CHRNB1: variants seen among roughly 807,000 people sequenced by gnomAD.
CHRNB1 encodes the protein acetylcholine receptor subunit beta.
CHRNB1 carries 47 observed loss-of-function variants against 53.8 expected under a neutral mutation model. That is an observed-to-expected ratio of 0.87 (90% CI 0.69 to 1.11). The LOEUF (loss-of-function observed/expected upper bound fraction) is 1.11, where lower values mean the gene tolerates loss of function less well. Among genes scored for constraint, CHRNB1 ranks in the 50% most tolerant of loss-of-function variants. The pLI is 0.00. For synonymous variants in CHRNB1, 259 were observed against 263.5 expected (o/e 0.98, Z 0.16); for missense variants, 605 against 654.9 (o/e 0.92, Z 0.83).
At chr17:7,448,827 C>T in intron 7 of CHRNB1, 39 bp downstream of exon 7, 1 of 1,592,424 alleles carries the variant, frequency 6.3e-7, no homozygotes, top group Non-Finnish European at 8.6e-7. Flanking sequence ...TTGTCATTGG[C>T]TCAGCTTCTT....
Position 7,445,437 on chromosome 17 carries a change from GGCCAGCC to G in CHRNB1, c.198+30_198+36del. On this transcript the variant is annotated intron_variant, in intron 2 of 10. Coordinates refer to ENST00000306071, the MANE Select transcript of CHRNB1 (RefSeq NM_000747.3). This position sits in a 1 kb window ranked among gnomAD's most constrained non-coding sequence, Gnocchi z 5.7. ...GAGGGCGCGCGGGGGGTGGAGGTCA[GGCCAGCC>G]GACCGGCCGGGGGCGTGGCTTTAGG... The G allele has an allele frequency of 6.2e-7, 1 of 1,608,286 alleles. No homozygotes were observed. The highest frequency in any genetic ancestry group is 8.5e-7 in the Non-Finnish European group (1 of 1,178,912).
intron 5 of CHRNB1, 156 bp downstream of exon 5, chr17:7,447,307 T>G: frequency 1.1e-6 from 1 of 903,368 alleles, no homozygotes. Context: ...TTCCATTGAG[T>G]GTTCTGTACA....
chr17:7,446,440 G>T, intron 3 of CHRNB1: 1 of 525,078 alleles, frequency 1.9e-6, no homozygotes, highest in Non-Finnish European at 3.4e-6. Context: ...ACCAGCCTCG[G>T]GGGGAACCTC....
chr17:7,453,754 AT>A (rs535191959), intron 7 of CHRNB1, among the ~76,000 whole-genome samples: 3,619 of 144,966 alleles, frequency 0.025, 110 homozygotes, highest in African/African-American at 0.081. Context: ...TGCCTGGCTA[AT>A]TTTTTTTTTT....
chr17:7,454,489 A>C lies in CHRNB1; in HGVS notation c.1013A>C (p.His338Pro), dbSNP rs1909001557. 1 of 1,613,884 alleles carries C rather than the reference A, an allele frequency of 6.2e-7. No homozygotes were observed. The highest frequency in any genetic ancestry group is 8.5e-7 in the Non-Finnish European group (1 of 1,180,010). ...VVLNLHHRSPHTHQMPLWVRQ... is the reference protein window; with the variant it reads ...VVLNLHHRSPPTHQMPLWVRQ... Reference sequence around the variant, plus strand: ...CTCAACCTGCACCACCGCTCACCCCACACCCACCAAATGCCCCTTTGGGTC... The same window carrying C: ...CTCAACCTGCACCACCGCTCACCCCCCACCCACCAAATGCCCCTTTGGGTC... Residue 338 changes from histidine to proline, a missense_variant, in exon 8 of 11, where the codon CAC becomes CCC. His to Pro is a moderately conservative substitution (Grantham distance 77). Transcript: ENST00000306071.
chr17:7,451,274 CT>C (rs34769424), intron 7 of CHRNB1, among the ~76,000 whole-genome samples: 5,124 of 91,980 alleles, frequency 0.056, 56 homozygotes, highest in South Asian at 0.13. Flanking sequence ...CTTTTCTTTT[CT>C]TTTTTTTTTT....
At chr17:7,448,212 C>T (rs1457288100) in intron 6 of CHRNB1, among the ~76,000 whole-genome samples, 2 of 151,312 alleles carry the variant, frequency 1.3e-5, no homozygotes, top group Non-Finnish European at 2.9e-5. Flanking sequence ...TGGTGAAACC[C>T]CGTCTCTACT....
At chr17:7,450,080 T>TAAATAAAG (rs1199660655) in intron 7 of CHRNB1, among the ~76,000 whole-genome samples, 1 of 148,342 alleles carries the variant, frequency 6.7e-6, no homozygotes, top group African/African-American at 2.5e-5. Context: ...AATAAATAAA[T>TAAATAAAG]AATAGTAATA....
At chr17:7,449,992 C>T (rs904286977) in intron 7 of CHRNB1, among the ~76,000 whole-genome samples, 1 of 150,210 alleles carries the variant, frequency 6.7e-6, no homozygotes, top group East Asian at 2.0e-4. Context: ...TGCAGTGAGC[C>T]GACATTGTGC....
intron 8 of CHRNB1, 123 bp downstream of exon 8, chr17:7,454,643 G>A (rs966401975): frequency 6.5e-6 from 5 of 773,752 alleles, no homozygotes; most frequent in Admixed American, 2.0e-5. Context: ...GCACAGTTAA[G>A]CTAGCCCCCA....
Position 7,455,954 on chromosome 17 carries a change from G to T in CHRNB1, c.1365+13G>T, listed in dbSNP as rs1409077831. The T allele has an allele frequency of 6.2e-7, 1 of 1,614,082 alleles. No homozygotes were observed. The highest frequency in any genetic ancestry group is 2.2e-5 in the East Asian group (1 of 44,880). Reference sequence around the variant, plus strand: ...GGACCACGATGCGGTATGTCCAACGGGGGTGGAACAAGGCCAGGTCTAGGC... The same window carrying T: ...GGACCACGATGCGGTATGTCCAACGTGGGTGGAACAAGGCCAGGTCTAGGC... On this transcript the variant is annotated intron_variant, in intron 10 of 10. Transcript: ENST00000306071.
In CHRNB1 at chr17:7,455,800, G is replaced by A. The variant is rs143027754; in HGVS notation, c.1224G>A (p.Gln408=). Residue 408 remains glutamine (Q), a synonymous_variant, in exon 10 of 11, where the codon CAG becomes CAA. Transcript: ENST00000306071. ...DFLFPKPNRF[Q]PELSAPDLRR... The stretch of plus-strand genomic sequence containing the variant: ...CCAGTCACTCCTCTTCCAGGTTCCA[G>A]CCTGAACTGTCTGCCCCTGATCTGC... 1.5e-5 allele frequency: 25 copies of A among 1,614,176 alleles called. No individual in the cohort carries two copies. In the African/African-American group the frequency reaches 3.2e-4, roughly 21 times the overall value.
Position 7,446,883 on chromosome 17 carries a change from C to T in CHRNB1, c.294C>T (p.Ile98=), listed in dbSNP as rs1275361867. The T allele has an allele frequency of 1.9e-6, 3 of 1,613,894 alleles. No individual in the cohort carries two copies. Among genetic ancestry groups the T allele is most frequent in the Admixed American group, 1.7e-5 (1 of 60,006 alleles). The part of the protein sequence containing the change: ...LSWDPAEHDG[I]DSLRITAESV... ...GGGACCCTGCGGAGCACGACGGCATCGATTCGCTCCGCATCACGGCGGAAT... is the reference window on the plus strand; with the variant it reads ...GGGACCCTGCGGAGCACGACGGCATTGATTCGCTCCGCATCACGGCGGAAT... Residue 98 remains isoleucine (I), a synonymous_variant, in exon 4 of 11, where the codon ATC becomes ATT. Transcript: ENST00000306071.
At chr17:7,454,101 A>T (rs1908984929) in intron 7 of CHRNB1, among the ~76,000 whole-genome samples, 196 bp from the exon 8 acceptor site, 1 of 152,026 alleles carries the variant, frequency 6.6e-6, no homozygotes, top group Non-Finnish European at 1.5e-5. Flanking sequence ...TATGTTGCTC[A>T]GGCTGGTCTG....
chr17:7,448,933 C>T (rs1217354373), intron 7 of CHRNB1, 145 bp downstream of exon 7: 3 of 824,224 alleles, frequency 3.6e-6, no homozygotes, highest in African/African-American at 1.7e-5. Flanking sequence ...CTCCCGTTGA[C>T]TGCCACCTTT....
Position 7,445,880 on chromosome 17 carries a change from G to T in CHRNB1, c.199-189G>T. 3.1e-6 allele frequency: 2 copies of T among 654,152 alleles called. 1 individual carries two copies. Among genetic ancestry groups the T allele is most frequent in the Non-Finnish European group, 5.5e-6 (2 of 363,840 alleles). 40.5% of individuals were successfully genotyped at this position (654,152 alleles called of 1,614,324 possible). A position where few individuals can be genotyped will look rare whatever the true frequency, so the allele number is the denominator to read the frequency against. On this transcript the variant is annotated intron_variant, in intron 2 of 10. Transcript: ENST00000306071. The surrounding 1 kb of genome is among the most constrained non-coding windows in gnomAD (Gnocchi z 5.7). ...GGTTGATAGGCTGGGAGTGTAGACG[G>T]CAGGAAGAGGTGTTTCTGAGATAGA...
rs1030536879 is a variant in CHRNB1 at position 7,455,585 on chromosome 17, C to T, written c.1217+129C>T. 7 of 1,282,718 alleles carry T rather than the reference C, an allele frequency of 5.5e-6. No individual in the cohort carries two copies. In the African/African-American group the frequency reaches 8.8e-5, roughly 16 times the overall value. The allele number at this position is 1,282,718 out of a possible 1,614,324, so 79.5% of individuals were successfully genotyped here. A position where few individuals can be genotyped will look rare whatever the true frequency, so the allele number is the denominator to read the frequency against. ...GAGCATCATGGGAGTTGTAGTACTC[C>T]TGCTGCTCACTTTGAGGGGAGGTGG... On this transcript the variant is annotated intron_variant, in intron 9 of 10. Coordinates refer to ENST00000306071, the MANE Select transcript of CHRNB1 (RefSeq NM_000747.3).
chr17:7,455,695 T>G, intron 9 of CHRNB1, 99 bp from the exon 10 acceptor site: 1 of 1,527,226 alleles, frequency 6.5e-7, no homozygotes, highest in Non-Finnish European at 9.1e-7. Context: ...CTCTCGGGTT[T>G]TGAGAACTGG....
At position 7,448,775 on chromosome 17, in the gene CHRNB1, G is replaced by A. The variant is rs1443298002; in HGVS notation, c.807G>A (p.Leu269=). The A allele has an allele frequency of 1.9e-6, 3 of 1,614,018 alleles. No individual in the cohort carries two copies. The highest frequency in any genetic ancestry group is 2.5e-6 in the Non-Finnish European group (3 of 1,180,014). The change falls in exon 7 of 11, where the codon CTG becomes CTA. Residue 269 remains leucine (L), a synonymous_variant. Transcript: ENST00000306071. ...TTCTGGCCATCTTCGTCTTCTACCT[G>A]CCACCAGATGCAGGTAATGGGGGAA... The part of the protein sequence containing the change: ...ITLLAIFVFY[L]PPDAGEKMGL...
Sources: gnomAD v4.1 joint callset for allele counts (sites outside exome capture counted in the v4.1 genomes callset) on GRCh38, gnomAD v4.1.1 for gene constraint, Gnocchi (gnomAD v3.1) non-coding constraint, MANE v1.5 for transcripts, NCBI Gene and HGNC (gene_info 2026-07-23, HGNC 2026-07-21) for gene names.